MYO10: variants seen among roughly 807,000 people sequenced by gnomAD.
MYO10 encodes myosin X.
A neutral mutation model predicts 257.3 loss-of-function variants in MYO10; 133 were observed. The observed-to-expected ratio is 0.52, with a 90% confidence interval of 0.45 to 0.60. MYO10 has a LOEUF of 0.60. MYO10 is among the 20% of genes least tolerant of loss of function. MYO10 has a pLI of 0.00. For missense variants in MYO10, 2,399 were observed against 2,635.7 expected (o/e 0.91, Z 1.97); for synonymous variants, 1,104 against 1,028.6 (o/e 1.07, Z -1.40).
In MYO10 at chr5:16,672,823, C is replaced by T. The variant is rs1736532688; in HGVS notation, c.5175G>A (p.Val1725=). Residue 1725 remains valine, a splice_region_variant and synonymous_variant, in exon 37 of 41, where the codon GTG becomes GTA. Transcript: ENST00000513610. ...TINSHTTAGE[V]VEKLIRGLAM... Reference sequence around the variant, plus strand: ...CCAGGCCTCGGATCAGCTTCTCCACCACCTGGAAGACACACCAGGGGGACT... The same window carrying T: ...CCAGGCCTCGGATCAGCTTCTCCACTACCTGGAAGACACACCAGGGGGACT... 1 of 1,612,750 alleles carries T rather than the reference C, an allele frequency of 6.2e-7. No homozygotes were observed. The highest frequency in any genetic ancestry group is 8.5e-7 in the Non-Finnish European group (1 of 1,179,342).
intron 1 of MYO10, among the ~76,000 whole-genome samples, chr5:16,929,523 C>A (rs112332663): frequency 3.3e-5 from 5 of 152,228 alleles, no homozygotes; most frequent in African/African-American, 1.2e-4. Flanking sequence ...TCCTGGCTAT[C>A]GTTTTCTAGC....
intron 1 of MYO10, among the ~76,000 whole-genome samples, chr5:16,898,749 A>G (rs1485541805): frequency 6.6e-6 from 1 of 151,898 alleles, no homozygotes; most frequent in Non-Finnish European, 1.5e-5. Flanking sequence ...TTCCCTGCAC[A>G]TCTCAACTTG....
Position 16,780,540 on chromosome 5 carries a change from C to A in MYO10, c.810G>T (p.Leu270=). The change falls in exon 8 of 41, where the codon CTG becomes CTT. Residue 270 remains leucine (L), a synonymous_variant. Transcript: ENST00000513610. ...CCCACTCACCTCTTTCTTCATGTTC[C>A]AGCCCTGCCAGCAGTGCATAAAATA... The part of the protein sequence containing the change: ...YHIFYALLAG[L]EHEEREEFYL... 6.3e-7 allele frequency: 1 copy of A among 1,581,314 alleles called. No individual in the cohort carries two copies. Among genetic ancestry groups the A allele is most frequent in the Admixed American group, 1.8e-5 (1 of 55,092 alleles).
chr5:16,751,632 C>T (rs949843793), intron 19 of MYO10, among the ~76,000 whole-genome samples: 5 of 151,942 alleles, frequency 3.3e-5, no homozygotes, highest in Admixed American at 1.3e-4. Flanking sequence ...CAGGCACGCG[C>T]CACCAAACCT....
intron 17 of MYO10, among the ~76,000 whole-genome samples, chr5:16,759,396 C>A (rs1021086980): frequency 6.6e-6 from 1 of 152,112 alleles, no homozygotes; most frequent in African/African-American, 2.4e-5. Context: ...TTGCCCCAAC[C>A]TTTTTCATTT....
intron 2 of MYO10, among the ~76,000 whole-genome samples, chr5:16,870,711 G>A (rs253317): frequency 0.24 from 36,226 of 151,978 alleles, 4,947 homozygotes; most frequent in Non-Finnish European, 0.32. Flanking sequence ...CGACCAACAT[G>A]GAGAAAGCCC....
chr5:16,916,428 A>T (rs1003441227), intron 1 of MYO10: 6 of 165,044 alleles, frequency 3.6e-5, no homozygotes, highest in African/African-American at 1.5e-4. Flanking sequence ...AAAAAAAAAA[A>T]TCAGATTACA....
At chr5:16,804,197 C>T (rs1181914850) in intron 3 of MYO10, among the ~76,000 whole-genome samples, 2 of 152,180 alleles carry the variant, frequency 1.3e-5, no homozygotes, top group Admixed American at 1.3e-4. Context: ...CTCCTTGTCC[C>T]GTGTGTTCCA....
chr5:16,828,130 C>T (rs1355696304), intron 2 of MYO10, among the ~76,000 whole-genome samples: 1 of 152,210 alleles, frequency 6.6e-6, no homozygotes, highest in South Asian at 2.1e-4. Context: ...AGTATCTCCG[C>T]GGCAGAGATG....
chr5:16,850,987 G>A (rs771186010), intron 2 of MYO10, among the ~76,000 whole-genome samples: 6 of 151,958 alleles, frequency 3.9e-5, no homozygotes, highest in Non-Finnish European at 8.8e-5. Context: ...TTTTTTAGTA[G>A]AGACAGGGTT....
chr5:16,873,528 C>T (rs1452899793), intron 2 of MYO10, among the ~76,000 whole-genome samples: 1 of 152,238 alleles, frequency 6.6e-6, no homozygotes, highest in Non-Finnish European at 1.5e-5. Flanking sequence ...TAGGCGGTAC[C>T]CCAGTAGCGA....
chr5:16,673,759 C>T lies in MYO10; in HGVS notation c.5095G>A (p.Glu1699Lys), dbSNP rs1579795191. The T allele has an allele frequency of 6.2e-7, 1 of 1,613,990 alleles. No individual in the cohort carries two copies. The highest frequency in any genetic ancestry group is 1.6e-4 in the Middle Eastern group (1 of 6,062). ...TGGCAATAGACCGTGGATGTCATTT[C>T]CTGCCTGTGGATCAGAGCTTCTATT... ...DEIEALIHRQ[E>K]MTSTVYCHGG... The change falls in exon 36 of 41, where the codon GAA (glutamate) becomes AAA (lysine). Residue 1699 changes from glutamate (E) to lysine (K), a missense_variant. This residue lies in a region of MYO10 where 1,820 missense variants were observed against 1,939.4 expected (regional missense o/e 0.94). Transcript: ENST00000513610.
At chr5:16,830,705 C>T (rs954424162) in intron 2 of MYO10, among the ~76,000 whole-genome samples, 1 of 53,956 alleles carries the variant, frequency 1.9e-5, no homozygotes, top group African/African-American at 6.3e-5. Context: ...ACACACAGGG[C>T]GACTGTACTC....
At chr5:16,725,180 G>A (rs921505675) in intron 19 of MYO10, among the ~76,000 whole-genome samples, 12 of 139,564 alleles carry the variant, frequency 8.6e-5, no homozygotes, top group Non-Finnish European at 1.5e-4. Context: ...TCAGCCTCCC[G>A]GGTTCAAGCG....
intron 2 of MYO10, among the ~76,000 whole-genome samples, chr5:16,874,034 C>T (rs1744521971): frequency 6.6e-6 from 1 of 152,110 alleles, no homozygotes; most frequent in Non-Finnish European, 1.5e-5. Flanking sequence ...TGAATTTCTC[C>T]CCAGAAAATG....
intron 39 of MYO10, among the ~76,000 whole-genome samples, chr5:16,669,138 C>A (rs543427586): frequency 1.3e-5 from 2 of 152,130 alleles, no homozygotes; most frequent in Admixed American, 6.5e-5. Flanking sequence ...AAATTGGAGA[C>A]GCTGAAAAGA....
At chr5:16,824,407 A>G (rs1352545750) in intron 2 of MYO10, among the ~76,000 whole-genome samples, 4 of 152,158 alleles carry the variant, frequency 2.6e-5, no homozygotes, top group Admixed American at 2.6e-4. Context: ...ATGGGCACAG[A>G]CCAGGAATGC....
At chr5:16,788,061 T>C (rs2126675455) in intron 4 of MYO10, among the ~76,000 whole-genome samples, 1 of 152,314 alleles carries the variant, frequency 6.6e-6, no homozygotes, top group Non-Finnish European at 1.5e-5. Flanking sequence ...CCCAAAGTGC[T>C]GGCATTACAG....
intron 19 of MYO10, among the ~76,000 whole-genome samples, chr5:16,732,559 T>C (rs1385103959): frequency 6.6e-6 from 1 of 152,134 alleles, no homozygotes; most frequent in East Asian, 1.9e-4. Context: ...GAAATACAAA[T>C]TAGGAGGGCA....
Sources: gnomAD v4.1 joint callset for allele counts (sites outside exome capture counted in the v4.1 genomes callset) on GRCh38, gnomAD v4.1.1 for gene constraint, gnomAD v4.1.1 regional missense constraint, MANE v1.5 for transcripts, NCBI Gene and HGNC (gene_info 2026-07-23, HGNC 2026-07-21) for gene names.